The following TIGAR variants were observed in gnomAD, a reference collection of about 807,000 sequenced individuals.
TIGAR encodes the protein TP53 induced glycolysis regulatory phosphatase, also known as fructose-2,6-bisphosphatase TIGAR.
TIGAR carries 7 observed loss-of-function variants against 17.9 expected under a neutral mutation model. The ratio of observed to expected loss-of-function variants is 0.39; its 90% CI spans 0.22 to 0.73. The LOEUF (loss-of-function observed/expected upper bound fraction) is 0.73, where lower values mean the gene tolerates loss of function less well. Ranked by LOEUF, TIGAR falls within the 30% of genes least tolerant of loss-of-function variation. The pLI is 0.42. For synonymous variants in TIGAR, 94 were observed against 108.6 expected, an observed-to-expected ratio of 0.87 and a Z score of 0.84; for missense variants, 258 against 327.4, an observed-to-expected ratio of 0.79 and a Z score of 1.64.
chr12:4,323,428 C>T (rs968276336), intron 1 of TIGAR, among the ~76,000 whole-genome samples: 10 of 152,100 alleles, frequency 6.6e-5, no homozygotes, highest in African/African-American at 2.4e-4. Flanking sequence ...GGTTTGATTC[C>T]GGAGGCCCTC....
chr12:4,339,326 G>A (rs4360766), intron 3 of TIGAR, among the ~76,000 whole-genome samples: 130,213 of 152,166 alleles, frequency 0.86, 55,852 homozygotes, highest in East Asian at 0.98. Flanking sequence ...TCCTAGACAC[G>A]TGCAACCTAC....
intron 1 of TIGAR, among the ~76,000 whole-genome samples, chr12:4,326,203 T>G (rs1359417587): frequency 6.6e-6 from 1 of 152,196 alleles, no homozygotes. Context: ...CACTGCAGAT[T>G]TTGAAAATGA....
At chr12:4,347,584 T>C (rs1864794879) in intron 3 of TIGAR, among the ~76,000 whole-genome samples, 1 of 152,166 alleles carries the variant, frequency 6.6e-6, no homozygotes, top group Non-Finnish European at 1.5e-5. Context: ...GATAAATGCT[T>C]ATGGGGATGG....
intron 2 of TIGAR, among the ~76,000 whole-genome samples, chr12:4,334,931 C>G (rs754715927): frequency 2.0e-5 from 3 of 151,922 alleles, no homozygotes; most frequent in Non-Finnish European, 4.4e-5. Flanking sequence ...CATAATATAT[C>G]TAGGAGGAAT....
Position 4,351,376 on chromosome 12 carries a change from A to G in TIGAR, c.380A>G (p.Gln127Arg). 6.2e-7 allele frequency: 1 copy of G among 1,613,426 alleles called. No individual in the cohort carries two copies. The highest frequency in any genetic ancestry group is 8.5e-7 in the Non-Finnish European group (1 of 1,179,440). Reference sequence around the variant, plus strand: ...CCGCCCGGAGGAGAGACGCTGGACCAGGTATGTGGCGCTGCCGATGTCAGA... The same window carrying G: ...CCGCCCGGAGGAGAGACGCTGGACCGGGTATGTGGCGCTGCCGATGTCAGA... ...FTPPGGETLD[Q>R]VKMRGIDFFE... The change falls in exon 5 of 6, where the codon CAG (glutamine) becomes CGG (arginine). Residue 127 changes from glutamine (Q) to arginine (R), a missense_variant and splice_region_variant. Gln to Arg is a conservative substitution (Grantham distance 43). Coordinates refer to ENST00000179259, the MANE Select transcript of TIGAR (RefSeq NM_020375.3).
In TIGAR at chr12:4,359,409, G is replaced by A. The variant is rs557355990; in HGVS notation, c.*6718G>A. 4.6e-5 allele frequency among the ~76,000 whole-genome samples: 7 copies of A among 151,856 alleles called. No homozygotes were observed. Among genetic ancestry groups the A allele is most frequent in the South Asian group, 4.2e-4 (2 of 4,804 alleles). On this transcript the variant is annotated 3_prime_UTR_variant, in exon 6 of 6. Coordinates refer to ENST00000179259, the MANE Select transcript of TIGAR (RefSeq NM_020375.3). The stretch of plus-strand genomic sequence containing the variant: ...AATATGCTCCAGACTCATTCTTCCC[G>A]AGCCCCAGCCCCAGAATCAGCTTTT...
At chr12:4,331,010 G>A (rs1211518631) in intron 1 of TIGAR, among the ~76,000 whole-genome samples, 1 of 152,120 alleles carries the variant, frequency 6.6e-6, no homozygotes. Flanking sequence ...ATATTTTTTA[G>A]TAGGATTTTC....
chr12:4,341,440 C>T (rs1482914344), intron 3 of TIGAR, among the ~76,000 whole-genome samples: 3 of 152,142 alleles, frequency 2.0e-5, no homozygotes, highest in Non-Finnish European at 4.4e-5. Flanking sequence ...CAGACTGCCT[C>T]CTCACATGGG....
At chr12:4,323,322 G>A (rs1186325242) in intron 1 of TIGAR, among the ~76,000 whole-genome samples, 1 of 152,086 alleles carries the variant, frequency 6.6e-6, no homozygotes, top group African/African-American at 2.4e-5. Flanking sequence ...TTTGGGGTAA[G>A]GCAACCCCTA....
intron 1 of TIGAR, chr12:4,324,601 A>C: frequency 1.3e-6 from 2 of 1,581,736 alleles, no homozygotes; most frequent in Non-Finnish European, 1.7e-6. Flanking sequence ...CGGCTTCTCC[A>C]TGGGCGGTGC....
intron 3 of TIGAR, among the ~76,000 whole-genome samples, chr12:4,338,518 C>T (rs557363413): frequency 3.9e-5 from 6 of 152,090 alleles, no homozygotes; most frequent in African/African-American, 1.2e-4. Flanking sequence ...GGAAGAAAGA[C>T]GTGGATAGAC....
In TIGAR at chr12:4,321,505, A is replaced by G. The variant is rs1362000480; in HGVS notation, c.32+202A>G. 1.3e-5 allele frequency among the ~76,000 whole-genome samples: 2 copies of G among 152,068 alleles called. No homozygotes were observed. The highest frequency in any genetic ancestry group is 1.5e-5 in the Non-Finnish European group (1 of 67,996). On this transcript the variant is annotated intron_variant, in intron 1 of 5. Coordinates refer to ENST00000179259, the MANE Select transcript of TIGAR (RefSeq NM_020375.3). The surrounding 1 kb of genome is among the most constrained non-coding windows in gnomAD (Gnocchi z 5.2). The stretch of plus-strand genomic sequence containing the variant: ...CCTCTCACCCCAGCAGCCCCGAGGG[A>G]CGACGGCAGGTCTTAGATAGCTTCG...
intron 3 of TIGAR, among the ~76,000 whole-genome samples, chr12:4,342,038 T>G (rs1343988165): frequency 1.3e-5 from 2 of 152,142 alleles, no homozygotes; most frequent in Non-Finnish European, 2.9e-5. Flanking sequence ...GAGAAGTCCT[T>G]AAAGGACCTG....
chr12:4,331,872 T>C (rs892115014), intron 2 of TIGAR, among the ~76,000 whole-genome samples: 1 of 152,210 alleles, frequency 6.6e-6, no homozygotes, highest in Non-Finnish European at 1.5e-5. Context: ...AACTTTTGGC[T>C]AGACATGCTA....
intron 2 of TIGAR, among the ~76,000 whole-genome samples, chr12:4,333,582 T>G (rs962874489): frequency 6.6e-6 from 1 of 152,108 alleles, no homozygotes; most frequent in African/African-American, 2.4e-5. Context: ...GATTCTCCTG[T>G]CTCAGCCTCC....
Position 4,352,397 on chromosome 12 carries a change from A to G in TIGAR, c.519A>G (p.Gly173=). 1 of 1,614,178 alleles carries G rather than the reference A, an allele frequency of 6.2e-7. No homozygotes were observed. The highest frequency in any genetic ancestry group is 8.5e-7 in the Non-Finnish European group (1 of 1,180,022). The change falls in exon 6 of 6, where the codon GGA becomes GGG. Residue 173 remains glycine (G), a synonymous_variant. Coordinates refer to ENST00000179259, the MANE Select transcript of TIGAR (RefSeq NM_020375.3). ...CTTTGGCAGAGATATTTCCTTTAGGAAAAAATCACAGCTCTAAAGTTAATT... is the reference window on the plus strand; with the variant it reads ...CTTTGGCAGAGATATTTCCTTTAGGGAAAAATCACAGCTCTAAAGTTAATT... The part of the protein sequence containing the change: ...ETSLAEIFPL[G]KNHSSKVNSD...
chr12:4,338,836 C>T (rs145338533), intron 3 of TIGAR, among the ~76,000 whole-genome samples: 7 of 151,866 alleles, frequency 4.6e-5, no homozygotes, highest in Non-Finnish European at 8.8e-5. Context: ...ATCTGCCTGG[C>T]GTGGTGGCAG....
chr12:4,344,159 C>T (rs1864754857), intron 3 of TIGAR, among the ~76,000 whole-genome samples: 1 of 152,200 alleles, frequency 6.6e-6, no homozygotes, highest in African/African-American at 2.4e-5. Context: ...CACCTACACC[C>T]TCCCAAGACT....
chr12:4,324,739 G>A, intron 1 of TIGAR: 1 of 629,262 alleles, frequency 1.6e-6, no homozygotes, highest in Non-Finnish European at 2.9e-6. Flanking sequence ...GTCCCGTCCC[G>A]CAGCTGGTCC....
Sources: allele counts gnomAD v4.1 joint callset (sites outside exome capture counted in the v4.1 genomes callset), GRCh38; gene constraint gnomAD v4.1.1; non-coding constraint Gnocchi (gnomAD v3.1); transcripts MANE v1.5; gene names NCBI Gene and HGNC (gene_info 2026-07-23, HGNC 2026-07-21).